MSI2: variants seen among roughly 807,000 people sequenced by gnomAD.
MSI2 encodes the protein musashi RNA binding protein 2, also known as RNA-binding protein Musashi homolog 2.
MSI2 carries 17 observed loss-of-function variants against 45.6 expected under a neutral mutation model. The ratio of observed to expected loss-of-function variants is 0.37; its 90% CI spans 0.26 to 0.56. The LOEUF is 0.56. Among genes scored for constraint, MSI2 ranks in the 20% least tolerant of loss-of-function variants. The pLI is 0.77. For missense variants in MSI2, 293 were observed against 444.2 expected, an observed-to-expected ratio of 0.66 and a Z score of 3.06; for synonymous variants, 156 against 158.2, an observed-to-expected ratio of 0.99 and a Z score of 0.11.
intron 5 of MSI2, among the ~76,000 whole-genome samples, chr17:57,300,614 G>A (rs1567744528): frequency 6.6e-6 from 1 of 152,142 alleles, no homozygotes; most frequent in African/African-American, 2.4e-5. Context: ...GTATTAGCCC[G>A]TTTTCATGCT....
intron 8 of MSI2, among the ~76,000 whole-genome samples, chr17:57,610,182 G>A (rs1378775477): frequency 1.3e-5 from 2 of 152,196 alleles, no homozygotes; most frequent in Admixed American, 6.5e-5. Context: ...GCCAGGTGCA[G>A]TGGCTCACGT....
At chr17:57,259,908 T>G (rs1907153270) in intron 4 of MSI2, 3 of 152,296 alleles carry the variant, frequency 2.0e-5, no homozygotes, top group South Asian at 4.1e-4. Context: ...CCTCTCTGAT[T>G]GTTTATAGAC....
intron 5 of MSI2, among the ~76,000 whole-genome samples, chr17:57,289,841 C>T (rs4794718): frequency 6.6e-6 from 1 of 152,286 alleles, no homozygotes; most frequent in African/African-American, 2.4e-5. Flanking sequence ...CGCTGAATCA[C>T]GTTGGTGGGA....
chr17:57,646,822 C>G lies in MSI2; in HGVS notation c.728-5277C>G, dbSNP rs370919485. Reference sequence around the variant, plus strand: ...CATTAGTGCTTCTTTCTTTTTTAGCCAGACATCCTCGTTTTGAATATAAGG... The same window carrying G: ...CATTAGTGCTTCTTTCTTTTTTAGCGAGACATCCTCGTTTTGAATATAAGG... On this transcript the variant is annotated intron_variant, in intron 10 of 13. Coordinates refer to ENST00000284073, the MANE Select transcript of MSI2 (RefSeq NM_138962.4). 1.5e-4 allele frequency among the ~76,000 whole-genome samples: 22 copies of G among 147,658 alleles called. No homozygotes were observed. In the East Asian group the frequency reaches 3.3e-3, roughly 22 times the overall value.
chr17:57,675,817 T>C (rs1913189248), intron 12 of MSI2, among the ~76,000 whole-genome samples: 2 of 152,232 alleles, frequency 1.3e-5, no homozygotes, highest in Non-Finnish European at 2.9e-5. Context: ...TTGATATTTG[T>C]AATGCTCTGT....
At chr17:57,540,983 C>T (rs1266303714) in intron 7 of MSI2, among the ~76,000 whole-genome samples, 2 of 152,168 alleles carry the variant, frequency 1.3e-5, no homozygotes, top group Admixed American at 1.3e-4. Context: ...CTGTGCCTTG[C>T]TAGTCACAAC....
At chr17:57,303,985 G>A (rs1911642028) in intron 5 of MSI2, among the ~76,000 whole-genome samples, 1 of 152,188 alleles carries the variant, frequency 6.6e-6, no homozygotes. Flanking sequence ...GGAGGGAAGG[G>A]AGTCTTGGAG....
At position 57,621,393 on chromosome 17, in the gene MSI2, A is replaced by AT. The variant is rs1237785162; in HGVS notation, c.652+5315dup. 2.0e-5 allele frequency among the ~76,000 whole-genome samples: 3 copies of AT among 152,336 alleles called. No individual in the cohort carries two copies. The East Asian group carries it at 5.8e-4, about 29-fold the overall frequency. On this transcript the variant is annotated intron_variant, in intron 9 of 13. Transcript: ENST00000284073. ...GGAAAAATAAATAGCACTTCTAGGG[A>AT]TTTTTTAGAAGTGAGACTATAAACC...
intron 6 of MSI2, among the ~76,000 whole-genome samples, chr17:57,442,006 G>A (rs762563045): frequency 7.9e-5 from 12 of 151,764 alleles, no homozygotes; most frequent in Admixed American, 2.6e-4. Flanking sequence ...ACTGGCCTCC[G>A]CGTGGGTTCA....
chr17:57,515,236 C>T (rs549040289), intron 6 of MSI2, among the ~76,000 whole-genome samples: 1 of 152,302 alleles, frequency 6.6e-6, no homozygotes, highest in Non-Finnish European at 1.5e-5. Flanking sequence ...CGGAGTCTCG[C>T]TCTGTTGCCC....
the MSI2 span, among the ~76,000 whole-genome samples, chr17:57,692,784 A>G: frequency 6.6e-6 from 1 of 151,944 alleles, no homozygotes; most frequent in African/African-American, 2.4e-5. Flanking sequence ...TCTGGCTTGC[A>G]TAATTTTGAT....
chr17:57,526,356 GGT>G (rs71143203), intron 6 of MSI2, among the ~76,000 whole-genome samples: 5,690 of 122,282 alleles, frequency 0.047, 130 homozygotes, highest in African/African-American at 0.063. Context: ...GATATACCTG[GGT>G]GTGTGTGTGT....
intron 4 of MSI2, among the ~76,000 whole-genome samples, chr17:57,259,804 C>T (rs989606210): frequency 6.6e-6 from 1 of 152,198 alleles, no homozygotes; most frequent in Non-Finnish European, 1.5e-5. Context: ...ATCATCCACC[C>T]CCTCTTGCTA....
chr17:57,337,556 G>A (rs992582607), intron 5 of MSI2, among the ~76,000 whole-genome samples: 1 of 152,114 alleles, frequency 6.6e-6, no homozygotes, highest in Non-Finnish European at 1.5e-5. Context: ...GGTCTCAGGG[G>A]CAGTGAGAAT....
At chr17:57,328,484 TA>T (rs1233159287) in intron 5 of MSI2, among the ~76,000 whole-genome samples, 2 of 152,226 alleles carry the variant, frequency 1.3e-5, no homozygotes, top group African/African-American at 4.8e-5. Flanking sequence ...TTTCTCCTCT[TA>T]AAAAATTAGA....
intron 8 of MSI2, among the ~76,000 whole-genome samples, chr17:57,612,875 T>C (rs1465363308): frequency 1.3e-5 from 2 of 152,220 alleles, no homozygotes; most frequent in Non-Finnish European, 2.9e-5. Flanking sequence ...ATTATTCCCC[T>C]TGCTGGTGTT....
intron 7 of MSI2, among the ~76,000 whole-genome samples, chr17:57,571,536 C>A (rs1195216814): frequency 4.4e-4 from 67 of 152,206 alleles, no homozygotes; most frequent in Non-Finnish European, 1.6e-4. Flanking sequence ...TCCTCTGGTT[C>A]TTGTGCTCTC....
At chr17:57,554,554 G>C (rs1263264610) in intron 7 of MSI2, among the ~76,000 whole-genome samples, 2 of 152,056 alleles carry the variant, frequency 1.3e-5, no homozygotes, top group African/African-American at 4.8e-5. Flanking sequence ...AAGATATGAG[G>C]GAATGTTCTA....
intron 6 of MSI2, among the ~76,000 whole-genome samples, chr17:57,420,670 T>C (rs544769631): frequency 1.1e-4 from 17 of 152,208 alleles, no homozygotes; most frequent in Admixed American, 5.2e-4. Context: ...GGCCTGCCCA[T>C]CTGGCAAGCT....
Sources: gnomAD v4.1 joint callset for allele counts (sites outside exome capture counted in the v4.1 genomes callset) on GRCh38, gnomAD v4.1.1 for gene constraint, MANE v1.5 for transcripts, NCBI Gene and HGNC (gene_info 2026-07-23, HGNC 2026-07-21) for gene names.